Variants in ZCCHC7 observed in about 807,000 individuals in gnomAD.
ZCCHC7 encodes the protein zinc finger CCHC domain-containing protein 7.
In ZCCHC7, 35 loss-of-function variants were observed where a neutral mutation model predicts 52.0. The observed-to-expected ratio is 0.67, with a 90% CI of 0.51 to 0.89. The LOEUF (loss-of-function observed/expected upper bound fraction) is 0.89. Among genes scored for constraint, ZCCHC7 ranks in the 40% least tolerant of loss-of-function variants. The pLI, the probability that ZCCHC7 is intolerant of heterozygous loss-of-function variation, is 0.00. For synonymous variants in ZCCHC7, 217 were observed against 221.5 expected (o/e 0.98, Z 0.18); for missense variants, 574 against 649.1 (o/e 0.88, Z 1.26).
At chr9:37,224,106 C>G (rs906541004) in intron 2 of ZCCHC7, among the ~76,000 whole-genome samples, 2 of 151,854 alleles carry the variant, frequency 1.3e-5, no homozygotes, top group Admixed American at 6.6e-5. Flanking sequence ...ATAAAGGGGT[C>G]ACAAACAGTA....
intron 6 of ZCCHC7, among the ~76,000 whole-genome samples, chr9:37,348,489 C>T (rs1426972621): frequency 6.6e-6 from 1 of 152,016 alleles, no homozygotes; most frequent in Non-Finnish European, 1.5e-5. Flanking sequence ...AAGCGATTCT[C>T]CTGCCTCAGC....
intron 2 of ZCCHC7, among the ~76,000 whole-genome samples, chr9:37,205,830 T>A (rs1339317119): frequency 3.3e-5 from 5 of 152,156 alleles, no homozygotes; most frequent in Non-Finnish European, 5.9e-5. Context: ...CCACTTTTTT[T>A]ATTTGGTGAG....
intron 2 of ZCCHC7, among the ~76,000 whole-genome samples, chr9:37,301,878 T>C (rs1187790383): frequency 6.6e-6 from 1 of 152,186 alleles, no homozygotes; most frequent in Non-Finnish European, 1.5e-5. Flanking sequence ...TGTTTTAATA[T>C]TTGTATGTAG....
At chr9:37,242,612 T>C (rs1470902228) in intron 2 of ZCCHC7, among the ~76,000 whole-genome samples, 1 of 151,810 alleles carries the variant, frequency 6.6e-6, no homozygotes, top group Non-Finnish European at 1.5e-5. Context: ...TTTCTGATAG[T>C]ACATATTCCT....
chr9:37,208,282 A>G (rs1393548908), intron 2 of ZCCHC7, among the ~76,000 whole-genome samples: 3 of 152,008 alleles, frequency 2.0e-5, no homozygotes, highest in Non-Finnish European at 4.4e-5. Context: ...ATGGGGTTTC[A>G]CCATTGTTGC....
intron 2 of ZCCHC7, among the ~76,000 whole-genome samples, chr9:37,192,696 A>G (rs183931938): frequency 1.1e-4 from 16 of 152,338 alleles, no homozygotes; most frequent in African/African-American, 3.6e-4. Context: ...AGAAAAAGAC[A>G]TCTACTGGAA....
chr9:37,319,780 T>A (rs1033258901), intron 5 of ZCCHC7, among the ~76,000 whole-genome samples: 1 of 152,202 alleles, frequency 6.6e-6, no homozygotes, highest in African/African-American at 2.4e-5. Flanking sequence ...TTAGATCTGT[T>A]ATCTATTTTG....
At chr9:37,278,034 G>GTGTTTTTGTTT (rs1554723032) in intron 2 of ZCCHC7, among the ~76,000 whole-genome samples, 37 of 142,860 alleles carry the variant, frequency 2.6e-4, no homozygotes, top group African/African-American at 9.6e-4. Flanking sequence ...GTGTGTGTGT[G>GTGTTTTTGTTT]TGTTTTGTTT....
intron 2 of ZCCHC7, among the ~76,000 whole-genome samples, chr9:37,231,737 A>G (rs995061442): frequency 2.0e-4 from 31 of 152,164 alleles, no homozygotes; most frequent in African/African-American, 7.2e-4. Context: ...CAGACTCTCA[A>G]TACTTTGGGG....
intron 2 of ZCCHC7, among the ~76,000 whole-genome samples, chr9:37,261,412 T>C (rs1471593275): frequency 6.6e-6 from 1 of 152,248 alleles, no homozygotes; most frequent in African/African-American, 2.4e-5. Context: ...AAATGCTGTC[T>C]TCAATGAACT....
At chr9:37,171,811 T>C (rs10973240) in intron 2 of ZCCHC7, among the ~76,000 whole-genome samples, 20,750 of 152,198 alleles carry the variant, frequency 0.14, 1,724 homozygotes, top group Non-Finnish European at 0.17. Context: ...GACCTTAGCT[T>C]ATAATGACTT....
chr9:37,355,246 C>T (rs77671179), intron 8 of ZCCHC7, among the ~76,000 whole-genome samples: 7,776 of 152,194 alleles, frequency 0.051, 646 homozygotes, highest in African/African-American at 0.18. Flanking sequence ...TAGAGGCCAC[C>T]GCTGCAAGCA....
At chr9:37,127,041 C>T (rs923766743) in intron 2 of ZCCHC7, 99 bp downstream of exon 2, 1 of 1,430,500 alleles carries the variant, frequency 7.0e-7, no homozygotes, top group Non-Finnish European at 9.4e-7. Context: ...CCGTTTAATT[C>T]CTCACTTTTT....
intron 2 of ZCCHC7, among the ~76,000 whole-genome samples, chr9:37,189,303 A>G (rs1822891315): frequency 6.6e-6 from 1 of 151,698 alleles, no homozygotes; most frequent in Non-Finnish European, 1.5e-5. Flanking sequence ...TTCATTTGTC[A>G]AATTATTTTG....
chr9:37,356,992 C>T lies in ZCCHC7; in HGVS notation c.1356C>T (p.Asn452=). The change falls in exon 9 of 9, where the codon AAC becomes AAT. Residue 452 remains asparagine, a synonymous_variant. Transcript: ENST00000336755. ...AAGAAACACAAAAAGAAATGAAGAA[C>T]AAGAATAGAAACTGGGAGAAGCACA... ...ENKETQKEMK[N]KNRNWEKHRK... The T allele has an allele frequency of 6.2e-7, 1 of 1,613,592 alleles. No homozygotes were observed. The highest frequency in any genetic ancestry group is 8.5e-7 in the Non-Finnish European group (1 of 1,179,884).
intron 2 of ZCCHC7, among the ~76,000 whole-genome samples, chr9:37,274,838 T>C (rs1014053077): frequency 3.9e-5 from 6 of 152,224 alleles, no homozygotes; most frequent in Non-Finnish European, 5.9e-5. Context: ...TTGTTTTTTT[T>C]TTATATAGTG....
intron 2 of ZCCHC7, among the ~76,000 whole-genome samples, chr9:37,218,641 T>C (rs1252186336): frequency 6.6e-6 from 1 of 152,088 alleles, no homozygotes; most frequent in African/African-American, 2.4e-5. Context: ...AAACCCTGTC[T>C]CTACTAAAAA....
upstream of ZCCHC7, among the ~76,000 whole-genome samples, chr9:37,120,367 A>C (rs184865058): frequency 3.3e-5 from 5 of 152,160 alleles, no homozygotes; most frequent in East Asian, 1.0e-3. Flanking sequence ...GGGAAGGGGA[A>C]GGGGGAAAGC....
At chr9:37,315,104 G>A (rs1358421571) in intron 5 of ZCCHC7, among the ~76,000 whole-genome samples, 1 of 149,600 alleles carries the variant, frequency 6.7e-6, no homozygotes, top group African/African-American at 2.5e-5. Flanking sequence ...CCTGTAGAAT[G>A]ATTATATTTC....
Sources: allele counts gnomAD v4.1 joint callset (sites outside exome capture counted in the v4.1 genomes callset), GRCh38; gene constraint gnomAD v4.1.1; transcripts MANE v1.5; gene names NCBI Gene and HGNC (gene_info 2026-07-23, HGNC 2026-07-21).